TMEM132D: variants seen among roughly 807,000 people sequenced by gnomAD.
The protein encoded by TMEM132D is transmembrane protein 132D.
In TMEM132D, 21 loss-of-function variants were observed where a neutral mutation model predicts 62.3. The ratio of observed to expected loss-of-function variants is 0.34; its 90% CI spans 0.24 to 0.49. TMEM132D has a LOEUF of 0.49. Among genes scored for constraint, TMEM132D ranks in the 20% least tolerant of loss-of-function variants. The pLI is 0.99. For missense variants in TMEM132D, 1,346 were observed against 1,402.8 expected (o/e 0.96, Z 0.65); for synonymous variants, 621 against 575.6 (o/e 1.08, Z -1.13).
chr12:129,194,015 T>G (rs375777698), intron 5 of TMEM132D, among the ~76,000 whole-genome samples: 2 of 152,360 alleles, frequency 1.3e-5, no homozygotes, highest in East Asian at 3.9e-4. Flanking sequence ...ACTTTTGGCA[T>G]TTTGACCTTC....
At chr12:129,552,858 A>G (rs1353418566) in intron 2 of TMEM132D, among the ~76,000 whole-genome samples, 2 of 152,072 alleles carry the variant, frequency 1.3e-5, no homozygotes, top group Non-Finnish European at 2.9e-5. Context: ...TATATTATCT[A>G]TCATCTACCT....
chr12:129,739,548 TG>T (rs1399658518), intron 1 of TMEM132D, among the ~76,000 whole-genome samples: 4 of 152,234 alleles, frequency 2.6e-5, no homozygotes, highest in African/African-American at 9.6e-5. Context: ...CCTGGACTGC[TG>T]GGTCACACCT....
intron 4 of TMEM132D, among the ~76,000 whole-genome samples, chr12:129,334,380 A>G (rs1002358354): frequency 1.3e-5 from 2 of 152,180 alleles, no homozygotes; most frequent in South Asian, 4.1e-4. Flanking sequence ...ATATTTCTCA[A>G]TAAAGATAGA....
intron 2 of TMEM132D, among the ~76,000 whole-genome samples, chr12:129,597,624 C>T (rs1255281429): frequency 6.6e-6 from 1 of 152,132 alleles, no homozygotes; most frequent in East Asian, 1.9e-4. Flanking sequence ...TATCATTCCC[C>T]TAAGTGAAAC....
intron 4 of TMEM132D, among the ~76,000 whole-genome samples, chr12:129,298,298 C>T (rs1881626211): frequency 1.3e-5 from 2 of 152,196 alleles, no homozygotes; most frequent in South Asian, 4.1e-4. Context: ...CAAAGTCACA[C>T]TTCTGCTTTT....
chr12:129,800,792 C>T (rs1317872584), intron 1 of TMEM132D, among the ~76,000 whole-genome samples: 1 of 152,086 alleles, frequency 6.6e-6, no homozygotes, highest in Non-Finnish European at 1.5e-5. Context: ...TCTCCATTTC[C>T]ATCTGAGGTA....
chr12:129,446,466 A>G (rs1566071152), intron 3 of TMEM132D, among the ~76,000 whole-genome samples: 1 of 152,254 alleles, frequency 6.6e-6, no homozygotes, highest in Non-Finnish European at 1.5e-5. Flanking sequence ...ATTGGGTCAT[A>G]GCAGGAATGA....
chr12:129,822,407 G>A (rs530941887), intron 1 of TMEM132D, among the ~76,000 whole-genome samples: 3 of 152,268 alleles, frequency 2.0e-5, no homozygotes, highest in Non-Finnish European at 4.4e-5. Context: ...TGGAAGTCAG[G>A]GCAAGCCAGG....
At chr12:129,705,128 G>A (rs1406504919) in intron 1 of TMEM132D, among the ~76,000 whole-genome samples, 3 of 152,234 alleles carry the variant, frequency 2.0e-5, no homozygotes, top group Non-Finnish European at 2.9e-5. Flanking sequence ...TGATCAGTAA[G>A]AGGCTGTAAC....
chr12:129,235,170 T>G (rs1323201903), intron 4 of TMEM132D, among the ~76,000 whole-genome samples: 1 of 152,220 alleles, frequency 6.6e-6, no homozygotes, highest in East Asian at 1.9e-4. Context: ...TCAGGTATAG[T>G]TTACCTATAA....
Position 129,769,056 on chromosome 12 carries a change from A to G in TMEM132D, c.80-68358T>C, listed in dbSNP as rs138933043. Among the ~76,000 whole-genome samples the G allele has an allele frequency of 9.1e-3, 1,380 of 152,308 alleles. 18 individuals carry two copies. Among genetic ancestry groups the G allele is most frequent in the African/African-American group, 0.032 (1,309 of 41,554 alleles). On this transcript the variant is annotated intron_variant, in intron 1 of 8. Coordinates refer to ENST00000422113, the MANE Select transcript of TMEM132D (RefSeq NM_133448.3). ...GCCTGTTCAGTTGTGGCCATGGTGGAGAAAATGCTTACAGACTCACAGTTT... is the reference window on the plus strand; with the variant it reads ...GCCTGTTCAGTTGTGGCCATGGTGGGGAAAATGCTTACAGACTCACAGTTT...
At chr12:129,496,054 T>G (rs1437430137) in intron 3 of TMEM132D, among the ~76,000 whole-genome samples, 2 of 152,230 alleles carry the variant, frequency 1.3e-5, no homozygotes, top group African/African-American at 2.4e-5. Flanking sequence ...GAGATTTGTC[T>G]GCAGGCTGCA....
At chr12:129,506,606 G>T (rs925320009) in intron 3 of TMEM132D, among the ~76,000 whole-genome samples, 1 of 152,110 alleles carries the variant, frequency 6.6e-6, no homozygotes, top group African/African-American at 2.4e-5. Flanking sequence ...CATAAAGTGG[G>T]GAAAGGATAC....
At chr12:129,549,338 A>G (rs1566106468) in intron 2 of TMEM132D, among the ~76,000 whole-genome samples, 1 of 149,776 alleles carries the variant, frequency 6.7e-6, no homozygotes, top group Non-Finnish European at 1.5e-5. Flanking sequence ...CCCCACCCAA[A>G]TCTCATCTTG....
chr12:129,518,566 TACAC>T (rs751466987), intron 3 of TMEM132D, among the ~76,000 whole-genome samples: 8 of 89,326 alleles, frequency 9.0e-5, no homozygotes, highest in Non-Finnish European at 2.5e-4. Flanking sequence ...TGTATATATA[TACAC>T]ACACACACAC....
chr12:129,424,390 A>G (rs2135712631), intron 3 of TMEM132D, among the ~76,000 whole-genome samples: 2 of 152,204 alleles, frequency 1.3e-5, no homozygotes, highest in South Asian at 4.2e-4. Context: ...TTTGCTTAGG[A>G]AGGCATTTTC....
In TMEM132D at chr12:129,162,810, C is replaced by T. The variant is rs578202503; in HGVS notation, c.1443+46710G>A. Among the ~76,000 whole-genome samples the T allele has an allele frequency of 2.6e-5, 4 of 152,328 alleles. No individual in the cohort carries two copies. In the South Asian group the frequency reaches 8.3e-4, roughly 32 times the overall value. ...CTTCCTGTACGGCTTGCATAACTGT[C>T]AGCCAATTAAACCCTGTTTCTTTAT... On this transcript the variant is annotated intron_variant, in intron 5 of 8. Transcript: ENST00000422113.
In TMEM132D at chr12:129,417,957, C is replaced by T. The variant is rs183836435; in HGVS notation, c.1116-80140G>A. ...AAGAAACATATGAAAAAAAGCTCAT[C>T]GTCACTGGTCATTAGAGAAATGCAA... On this transcript the variant is annotated intron_variant, in intron 3 of 8. Coordinates refer to ENST00000422113, the MANE Select transcript of TMEM132D (RefSeq NM_133448.3). Among the ~76,000 whole-genome samples the T allele has an allele frequency of 3.0e-3, 453 of 152,322 alleles. 4 individuals carry two copies. The highest frequency in any genetic ancestry group is 0.01 in the African/African-American group (423 of 41,572).
intron 4 of TMEM132D, among the ~76,000 whole-genome samples, chr12:129,291,774 G>T (rs1881456010): frequency 6.6e-6 from 1 of 152,128 alleles, no homozygotes; most frequent in Admixed American, 6.6e-5. Flanking sequence ...AGGGGAAAAG[G>T]GGTTGGAAAT....
Sources: allele counts gnomAD v4.1 joint callset (sites outside exome capture counted in the v4.1 genomes callset), GRCh38; gene constraint gnomAD v4.1.1; transcripts MANE v1.5; gene names NCBI Gene and HGNC (gene_info 2026-07-23, HGNC 2026-07-21).